Variants in TRPV3 observed in about 807,000 individuals in gnomAD.
TRPV3 encodes VRL-3.
TRPV3 carries 88 observed loss-of-function variants against 87.1 expected under a neutral mutation model. The observed-to-expected ratio is 1.01, with a 90% CI of 0.85 to 1.21. TRPV3 has a LOEUF of 1.21. TRPV3 is among the 50% of genes most tolerant of loss of function. TRPV3 has a pLI of 0.00. For missense variants in TRPV3, 1,054 were observed against 1,030.1 expected (o/e 1.02, Z -0.32); for synonymous variants, 438 against 423.3 (o/e 1.03, Z -0.43).
chr17:3,540,821 A>T (rs954943078), intron 6 of TRPV3, among the ~76,000 whole-genome samples: 3 of 152,180 alleles, frequency 2.0e-5, no homozygotes, highest in Non-Finnish European at 4.4e-5. Flanking sequence ...TGAGAATGTG[A>T]TATGGTTCAT....
intron 5 of TRPV3, 74 bp from the exon 6 acceptor site, chr17:3,542,772 G>T: frequency 2.0e-6 from 3 of 1,515,500 alleles, no homozygotes; most frequent in African/African-American, 1.4e-5. Context: ...AGAGGGTGTG[G>T]TTGCTGCAGC....
In TRPV3 at chr17:3,554,824, CA is replaced by C. The variant is rs1255964236; in HGVS notation, c.26del (p.Val9GlyfsTer39). ...CAGCAACTCTCTTGCCCATGAGAGG[CA>C]CCATCTCCTTGGGGTGGGCTTTCAT... MKAHPKEM[V>X]PLMGKRVAAP... On this transcript the variant is annotated frameshift_variant, in exon 2 of 18. Coordinates refer to ENST00000576742, the MANE Select transcript of TRPV3 (RefSeq NM_145068.4). LOFTEE classifies it high-confidence loss of function. The C allele has an allele frequency of 3.7e-6, 6 of 1,612,314 alleles. No individual in the cohort carries two copies.
intron 4 of TRPV3, among the ~76,000 whole-genome samples, chr17:3,544,259 A>G (rs1318507045): frequency 6.6e-6 from 1 of 152,282 alleles, no homozygotes; most frequent in African/African-American, 2.4e-5. Context: ...CTCCTGCCGC[A>G]GCCTCCCAAA....
At position 3,542,601 on chromosome 17, in the gene TRPV3, C is replaced by G; in HGVS notation, c.564G>C (p.Arg188=). Residue 188 remains arginine, a synonymous_variant, in exon 6 of 18, where the codon CGG becomes CGC. Coordinates refer to ENST00000576742, the MANE Select transcript of TRPV3 (RefSeq NM_145068.4). The part of the protein sequence containing the change: ...NINPNTKEIV[R]ILLAFAEEND... ...TCTCTTCAGCAAAGGCAAGCAGGAT[C>G]CGCACTATCTCCTTGGTGTTGGGGT... The G allele has an allele frequency of 6.2e-7, 1 of 1,614,028 alleles. No homozygotes were observed. The highest frequency in any genetic ancestry group is 8.5e-7 in the Non-Finnish European group (1 of 1,179,938).
intron 6 of TRPV3, 141 bp from the exon 7 acceptor site, chr17:3,535,854 A>G: frequency 9.1e-7 from 1 of 1,099,226 alleles, no homozygotes; most frequent in Non-Finnish European, 1.2e-6. Flanking sequence ...CAGGAATCCC[A>G]GCTTTGTTCT....
intron 2 of TRPV3, among the ~76,000 whole-genome samples, chr17:3,552,002 C>A (rs2074580174): frequency 6.7e-6 from 1 of 148,412 alleles, no homozygotes; most frequent in Non-Finnish European, 1.5e-5. Flanking sequence ...CCTGCCTCAG[C>A]CTCCCAAGTA....
rs780570491 is a variant in TRPV3 at position 3,524,341 on chromosome 17, T to C, written c.1600A>G (p.Ile534Val). Residue 534 changes from isoleucine to valine, a missense_variant, in exon 13 of 18, where the codon ATA becomes GTA. Transcript: ENST00000576742. Reference sequence around the variant, plus strand: ...AACAAGTACAAGAAGACAGACAGTATCACAAGCACAGCTTGGATAAAACTG... The same window carrying C: ...AACAAGTACAAGAAGACAGACAGTACCACAAGCACAGCTTGGATAAAACTG... The part of the protein sequence containing the change: ...FVFFIQAVLV[I>V]LSVFLYLFAY... 8.7e-6 allele frequency: 14 copies of C among 1,614,176 alleles called. No homozygotes were observed. The African/African-American group carries it at 1.2e-4, about 14-fold the overall frequency.
intron 6 of TRPV3, among the ~76,000 whole-genome samples, chr17:3,540,926 C>T (rs1282378983): frequency 6.6e-6 from 1 of 152,198 alleles, no homozygotes; most frequent in African/African-American, 2.4e-5. Flanking sequence ...TCCTCCACTC[C>T]ATATCTTCTA....
In TRPV3 at chr17:3,535,696, T is replaced by A. The variant is rs1295662037; in HGVS notation, c.661A>T (p.Ile221Phe). Residue 221 changes from isoleucine (I) to phenylalanine (F), a missense_variant, in exon 7 of 18, where the codon ATC becomes TTC. Ile to Phe is a conservative substitution (Grantham distance 21). Transcript: ENST00000576742. ...EAYEGQTALN[I>F]AIERRQGDIA... ...TCCCCCTGCCGCCGCTCGATGGCGA[T>A]GTTCAGCGCCGTCTGCCCTGCGGAG... The A allele has an allele frequency of 6.4e-7, 1 of 1,568,196 alleles. No individual in the cohort carries two copies. Among genetic ancestry groups the A allele is most frequent in the Non-Finnish European group, 8.6e-7 (1 of 1,159,528 alleles).
rs2074203905 is a variant in TRPV3, at chr17:3,518,508, A to T, written c.2085+68T>A. 1.4e-6 allele frequency: 2 copies of T among 1,481,430 alleles called. No homozygotes were observed. Among genetic ancestry groups the T allele is most frequent in the Non-Finnish European group, 1.8e-6 (2 of 1,109,158 alleles). 91.8% of individuals were successfully genotyped at this position (1,481,430 alleles called of 1,614,324 possible). On this transcript the variant is annotated intron_variant, in intron 15 of 17. Transcript: ENST00000576742. This position sits in a 1 kb window ranked among gnomAD's most constrained non-coding sequence, Gnocchi z 4.3. ...CCTCAGACCCACTGGTGCTGACAGT[A>T]GTCAATGACCACGTGCTGAACTGAG...
In TRPV3 at chr17:3,513,684, A is replaced by AG. The variant is rs2074143127; in HGVS notation, c.*232dup. On this transcript the variant is annotated 3_prime_UTR_variant, in exon 18 of 18. Transcript: ENST00000576742. Reference sequence around the variant, plus strand: ...CAGGCTCCAGACTGCTGCTGGCTGTAGGTTTACACCAGCTGTTTGCCAAGT... The same window carrying AG: ...CAGGCTCCAGACTGCTGCTGGCTGTAGGGTTTACACCAGCTGTTTGCCAAGT... 6.7e-6 allele frequency: 3 copies of AG among 448,234 alleles called. No individual in the cohort carries two copies. In the South Asian group the frequency reaches 1.5e-4, roughly 22 times the overall value. 27.8% of individuals were successfully genotyped at this position (448,234 alleles called of 1,614,324 possible).
chr17:3,532,276 C>T (rs191035479), intron 8 of TRPV3, among the ~76,000 whole-genome samples: 6 of 152,356 alleles, frequency 3.9e-5, no homozygotes, highest in Admixed American at 2.6e-4. Context: ...AGCATATTAG[C>T]GCTGCGCCCG....
rs186987632 is a variant in TRPV3 at position 3,529,111 on chromosome 17, C to T, written c.1243-116G>A. Reference sequence around the variant, plus strand: ...TGCAGAAGGGGCCCATCATTATGCCCGATGGACTGGTCTGGTTGGAAATGC... The same window carrying T: ...TGCAGAAGGGGCCCATCATTATGCCTGATGGACTGGTCTGGTTGGAAATGC... On this transcript the variant is annotated intron_variant, in intron 9 of 17. Coordinates refer to ENST00000576742, the MANE Select transcript of TRPV3 (RefSeq NM_145068.4). 4.2e-5 allele frequency: 50 copies of T among 1,180,658 alleles called. No individual in the cohort carries two copies. The African/African-American group carries it at 6.6e-4, about 16-fold the overall frequency. The allele number at this position is 1,180,658 out of a possible 1,614,324, so 73.1% of individuals were successfully genotyped here. A position where few individuals can be genotyped will look rare whatever the true frequency, so the allele number is the denominator to read the frequency against.
chr17:3,541,154 T>C (rs1419797413), intron 6 of TRPV3, among the ~76,000 whole-genome samples: 1 of 152,068 alleles, frequency 6.6e-6, no homozygotes, highest in Non-Finnish European at 1.5e-5. Flanking sequence ...TCACCTGAGG[T>C]TGGGAGTTTG....
chr17:3,535,122 G>A (rs1016054972), intron 7 of TRPV3, among the ~76,000 whole-genome samples: 5 of 151,324 alleles, frequency 3.3e-5, no homozygotes, highest in African/African-American at 1.2e-4. Context: ...CTCAAAGCGG[G>A]GTGGCCCCTC....
intron 16 of TRPV3, among the ~76,000 whole-genome samples, chr17:3,516,186 C>CA (rs11365831): frequency 6.6e-6 from 1 of 151,214 alleles, no homozygotes; most frequent in African/African-American, 2.4e-5. Context: ...AATTCCGTCT[C>CA]AAAAAAAAAT....
chr17:3,530,286 G>A lies in TRPV3; in HGVS notation c.1066-83C>T. The stretch of plus-strand genomic sequence containing the variant: ...GCTGGACCAGCCAGAGGCTGGCTGG[G>A]CCCAGGGGATACACCCGCCCAGAAT... On this transcript the variant is annotated intron_variant, in intron 8 of 17. Transcript: ENST00000576742. The surrounding 1 kb of genome is among the most constrained non-coding windows in gnomAD (Gnocchi z 4.0). 1 of 1,420,166 alleles carries A rather than the reference G, an allele frequency of 7.0e-7. No homozygotes were observed. The highest frequency in any genetic ancestry group is 9.5e-7 in the Non-Finnish European group (1 of 1,049,208). The allele number at this position is 1,420,166 out of a possible 1,614,324, so 88.0% of individuals were successfully genotyped here.
At chr17:3,546,810 C>T (rs1402456301) in intron 2 of TRPV3, 5 of 368,224 alleles carry the variant, frequency 1.4e-5, no homozygotes, top group Non-Finnish European at 2.8e-5. Context: ...GTCTACTAAA[C>T]ATACAAAATT....
chr17:3,536,810 G>A (rs532809919), intron 6 of TRPV3, among the ~76,000 whole-genome samples: 14 of 152,232 alleles, frequency 9.2e-5, no homozygotes, highest in South Asian at 8.3e-4. Context: ...GAAGGGTAGC[G>A]GGAGAGACAC....
Sources: gnomAD v4.1 joint callset for allele counts (sites outside exome capture counted in the v4.1 genomes callset) on GRCh38, gnomAD v4.1.1 for gene constraint, Gnocchi (gnomAD v3.1) non-coding constraint, MANE v1.5 for transcripts, NCBI Gene and HGNC (gene_info 2026-07-23, HGNC 2026-07-21) for gene names.